FRA10AC1: variants seen among roughly 807,000 people sequenced by gnomAD.
FRA10AC1 encodes the protein FRA10A associated CGG repeat 1.
FRA10AC1 carries 43 observed loss-of-function variants against 56.5 expected under a neutral mutation model. The ratio of observed to expected loss-of-function variants is 0.76; its 90% CI spans 0.60 to 0.98. The LOEUF (loss-of-function observed/expected upper bound fraction) is 0.98. Ranked by LOEUF, FRA10AC1 falls within the 50% of genes least tolerant of loss-of-function variation. The pLI is 0.00. For synonymous variants in FRA10AC1, 112 were observed against 110.5 expected, an observed-to-expected ratio of 1.01 and a Z score of -0.09; for missense variants, 346 against 351.8, an observed-to-expected ratio of 0.98 and a Z score of 0.13.
chr10:93,701,006 AT>A (rs898349048), intron 1 of FRA10AC1, among the ~76,000 whole-genome samples: 6 of 150,192 alleles, frequency 4.0e-5, no homozygotes, highest in South Asian at 2.1e-4. Flanking sequence ...ACTTAAAAAA[AT>A]TTTTTTTTTG....
Position 93,692,085 on chromosome 10 carries a change from C to A in FRA10AC1, c.389G>T (p.Arg130Ile), listed in dbSNP as rs1308818474. ...TTTATCATAGTATTTCTTAGCAAGT[C>A]TCTTCTCCCTAGACCCATGAAAATA... is the stretch of plus-strand genomic sequence containing the variant. ...EDEMDMTWEK[R>I]LAKKYYDKLF... Residue 130 changes from arginine (R) to isoleucine (I), a missense_variant, in exon 7 of 14, where the codon AGA becomes ATA. By Grantham distance (97) the Arg-to-Ile change is moderately conservative. Coordinates refer to ENST00000359204, the MANE Select transcript of FRA10AC1 (RefSeq NM_145246.5). 4 of 1,542,918 alleles carry A rather than the reference C, an allele frequency of 2.6e-6. No individual in the cohort carries two copies. The East Asian group carries it at 7.2e-5, about 28-fold the overall frequency.
At chr10:93,699,007 A>G (rs1216746304) in intron 2 of FRA10AC1, among the ~76,000 whole-genome samples, 1 of 152,172 alleles carries the variant, frequency 6.6e-6, no homozygotes, top group Non-Finnish European at 1.5e-5. Flanking sequence ...CAGATTCACA[A>G]TTGTGTGTGC....
intron 12 of FRA10AC1, chr10:93,675,628 C>T: frequency 2.9e-6 from 1 of 340,628 alleles, no homozygotes; most frequent in East Asian, 1.1e-4. Context: ...TCACTTGAAC[C>T]TGGGAAGCAG....
intron 11 of FRA10AC1, among the ~76,000 whole-genome samples, chr10:93,680,686 T>C (rs981333508): frequency 3.9e-5 from 6 of 152,232 alleles, no homozygotes; most frequent in Admixed American, 1.3e-4. Flanking sequence ...TGATTCACTA[T>C]AAATTACAGC....
chr10:93,669,819 T>C lies in FRA10AC1; in HGVS notation c.*7A>G, dbSNP rs1157432566. ...ACATTAAGGAGCGGAGGCTTCTCTC[T>C]CTCGTCTCATAGAAACAAATCCTGA... On this transcript the variant is annotated 3_prime_UTR_variant, in exon 14 of 14. Coordinates refer to ENST00000359204, the MANE Select transcript of FRA10AC1 (RefSeq NM_145246.5). 7 of 1,561,072 alleles carry C rather than the reference T, an allele frequency of 4.5e-6. No homozygotes were observed. The highest frequency in any genetic ancestry group is 6.1e-6 in the Non-Finnish European group (7 of 1,143,810).
intron 6 of FRA10AC1, 89 bp downstream of exon 6, chr10:93,692,557 G>A: frequency 1.3e-6 from 1 of 781,868 alleles, no homozygotes; most frequent in South Asian, 1.6e-5. Context: ...TCTATGAAGG[G>A]GCTGAACACC....
At position 93,668,335 on chromosome 10, in the gene FRA10AC1, T is replaced by C. The variant is rs1365912396; in HGVS notation, c.*1491A>G. On this transcript the variant is annotated 3_prime_UTR_variant, in exon 14 of 14. Coordinates refer to ENST00000359204, the MANE Select transcript of FRA10AC1 (RefSeq NM_145246.5). ...TATAAAAGCAGATCTTTGCTAGTTTTCAGAAATCAATAAATCCTTTTGAAA... is the reference window on the plus strand; with the variant it reads ...TATAAAAGCAGATCTTTGCTAGTTTCCAGAAATCAATAAATCCTTTTGAAA... 2.6e-5 allele frequency: 4 copies of C among 152,316 alleles called. No homozygotes were observed. The East Asian group carries it at 7.7e-4, about 29-fold the overall frequency. The allele number at this position is 152,316 out of a possible 1,614,324, so 9.4% of individuals were successfully genotyped here. A position where few individuals can be genotyped will look rare whatever the true frequency, so the allele number is the denominator to read the frequency against.
At chr10:93,700,791 C>T (rs1033377492) in intron 1 of FRA10AC1, among the ~76,000 whole-genome samples, 1 of 151,802 alleles carries the variant, frequency 6.6e-6, no homozygotes, top group Non-Finnish European at 1.5e-5. Context: ...TTAAGGTAAA[C>T]CACCTTGCCC....
At chr10:93,690,461 T>C (rs2059106800) in intron 7 of FRA10AC1, among the ~76,000 whole-genome samples, 1 of 152,228 alleles carries the variant, frequency 6.6e-6, no homozygotes, top group Non-Finnish European at 1.5e-5. Context: ...AATTTTTATT[T>C]ATGTATATTT....
Position 93,694,886 on chromosome 10 carries a change from T to G in FRA10AC1, c.271A>C (p.Lys91Gln), listed in dbSNP as rs1481931805. The G allele has an allele frequency of 1.3e-6, 2 of 1,587,860 alleles. No individual in the cohort carries two copies. The highest frequency in any genetic ancestry group is 1.7e-5 in the Admixed American group (1 of 59,830). Residue 91 changes from lysine to glutamine, a missense_variant, in exon 5 of 14, where the codon AAA (lysine) becomes CAA (glutamine). Lys to Gln is a moderately conservative substitution (Grantham distance 53, BLOSUM62 1). Coordinates refer to ENST00000359204, the MANE Select transcript of FRA10AC1 (RefSeq NM_145246.5). ...VNDYILYYGGKKEDFKRLGEN... is the reference protein window; with the variant it reads ...VNDYILYYGGQKEDFKRLGEN... ...CCCAAACGCTTGAAGTCTTCTTTTT[T>G]GCCACCATAGTATAAAATATAGTCA... is the stretch of plus-strand genomic sequence containing the variant.
At chr10:93,687,504 C>A in intron 7 of FRA10AC1, 55 bp from the exon 8 acceptor site, 1 of 1,390,136 alleles carries the variant, frequency 7.2e-7, no homozygotes, top group South Asian at 1.4e-5. Context: ...ATACAGAAAT[C>A]TAAACATGGA....
At chr10:93,694,732 A>G in intron 5 of FRA10AC1, 129 bp downstream of exon 5, 1 of 475,162 alleles carries the variant, frequency 2.1e-6, no homozygotes, top group Non-Finnish European at 3.6e-6. Context: ...AAAAAAAAAA[A>G]AAAAAAAAAA....
intron 1 of FRA10AC1, among the ~76,000 whole-genome samples, chr10:93,701,117 A>C (rs542352307): frequency 1.3e-5 from 2 of 152,292 alleles, no homozygotes; most frequent in South Asian, 4.1e-4. Context: ...ACTTCATTTT[A>C]GAACTGAAAT....
intron 7 of FRA10AC1, among the ~76,000 whole-genome samples, chr10:93,689,941 G>A (rs1163490716): frequency 6.6e-6 from 1 of 152,024 alleles, no homozygotes; most frequent in Non-Finnish European, 1.5e-5. Context: ...GTTTTTTTCG[G>A]GGAGTCTTCT....
intron 10 of FRA10AC1, 85 bp downstream of exon 10, chr10:93,683,971 A>T: frequency 1.1e-6 from 1 of 897,488 alleles, no homozygotes; most frequent in South Asian, 1.5e-5. Flanking sequence ...TCAACCACCT[A>T]AGTCTACATT....
rs985261586 is a variant in FRA10AC1 at position 93,695,021 on chromosome 10, C to T, written c.220-84G>A. ...ATTGCTGATTGGTGGTAAAAAAAAG[C>T]ACAATATGAGTCTATTTAGCTTTTT... On this transcript the variant is annotated intron_variant, in intron 4 of 13. Transcript: ENST00000359204. The T allele has an allele frequency of 4.4e-5, 32 of 732,764 alleles. 1 individual carries two copies. The Admixed American group carries it at 7.0e-4, about 16-fold the overall frequency. The allele number at this position is 732,764 out of a possible 1,614,324, so 45.4% of individuals were successfully genotyped here.
intron 5 of FRA10AC1, among the ~76,000 whole-genome samples, chr10:93,694,263 T>C (rs1393836471): frequency 6.6e-6 from 1 of 152,120 alleles, no homozygotes; most frequent in East Asian, 1.9e-4. Flanking sequence ...TCAAAGATCT[T>C]TGCCAAGAAG....
chr10:93,700,821 T>C (rs2059319670), intron 1 of FRA10AC1, among the ~76,000 whole-genome samples: 1 of 152,188 alleles, frequency 6.6e-6, no homozygotes, highest in African/African-American at 2.4e-5. Context: ...GTCAGCTTTC[T>C]CTTGTTTCAT....
At chr10:93,695,031 G>A (rs1423021857) in intron 4 of FRA10AC1, 94 bp from the exon 5 acceptor site, 1 of 704,130 alleles carries the variant, frequency 1.4e-6, no homozygotes, top group Non-Finnish European at 2.5e-6. Flanking sequence ...CACAATATGA[G>A]TCTATTTAGC....
Sources: gnomAD v4.1 joint callset for allele counts (sites outside exome capture counted in the v4.1 genomes callset) on GRCh38, gnomAD v4.1.1 for gene constraint, MANE v1.5 for transcripts, NCBI Gene and HGNC (gene_info 2026-07-23, HGNC 2026-07-21) for gene names.